The following SEZ6L variants were observed in gnomAD, a reference collection of about 807,000 sequenced individuals.
SEZ6L encodes seizure related 6 homolog like, also known as seizure 6-like protein.
In SEZ6L, 37 loss-of-function variants were observed where a neutral mutation model predicts 106.2. The ratio of observed to expected loss-of-function variants is 0.35; its 90% CI spans 0.27 to 0.46. The LOEUF (loss-of-function observed/expected upper bound fraction) is 0.46. SEZ6L is among the 20% of genes least tolerant of loss of function. The probability of loss-of-function intolerance (pLI) is 1.00; values close to 1 mark genes in which losing one functional copy is unlikely to be tolerated. For missense variants in SEZ6L, 1,172 were observed against 1,332.8 expected, an observed-to-expected ratio of 0.88 and a Z score of 1.88; for synonymous variants, 541 against 570.4, an observed-to-expected ratio of 0.95 and a Z score of 0.73.
chr22:26,231,738 G>A (rs1466418622), intron 1 of SEZ6L, among the ~76,000 whole-genome samples: 1 of 152,228 alleles, frequency 6.6e-6, no homozygotes, highest in Admixed American at 6.5e-5. Context: ...CAACTTGGCA[G>A]AGGCAGAAAG....
chr22:26,317,171 A>G (rs1017368806), intron 9 of SEZ6L, among the ~76,000 whole-genome samples: 1 of 152,174 alleles, frequency 6.6e-6, no homozygotes, highest in Non-Finnish European at 1.5e-5. Context: ...TCTTAGCTGA[A>G]GCTTCACATA....
chr22:26,203,869 G>A (rs372049668), intron 1 of SEZ6L, among the ~76,000 whole-genome samples: 18 of 152,192 alleles, frequency 1.2e-4, no homozygotes, highest in African/African-American at 4.3e-4. Flanking sequence ...AAGAGCTGAA[G>A]AAGAGTAGGA....
chr22:26,306,225 T>C (rs2081627739), intron 6 of SEZ6L, 81 bp downstream of exon 6: 3 of 1,489,080 alleles, frequency 2.0e-6, no homozygotes, highest in Non-Finnish European at 2.7e-6. Flanking sequence ...AGTCTTGAAA[T>C]GGCTGAAGCT....
intron 1 of SEZ6L, among the ~76,000 whole-genome samples, chr22:26,193,163 C>G (rs903028717): frequency 2.6e-5 from 4 of 152,164 alleles, no homozygotes; most frequent in African/African-American, 9.7e-5. Context: ...AGGCAAATTA[C>G]TTTTACAACA....
chr22:26,370,865 A>T (rs1410417246), intron 13 of SEZ6L, among the ~76,000 whole-genome samples: 1 of 151,982 alleles, frequency 6.6e-6, no homozygotes, highest in African/African-American at 2.4e-5. Context: ...TTAGCGGGGC[A>T]TGGTGACACA....
intron 9 of SEZ6L, among the ~76,000 whole-genome samples, chr22:26,339,666 C>T (rs17305959): frequency 0.21 from 31,547 of 152,166 alleles, 3,895 homozygotes; most frequent in South Asian, 0.31. Context: ...TCAGTTGACT[C>T]TGAGGAATTT....
chr22:26,331,209 G>A (rs994540316), intron 9 of SEZ6L, among the ~76,000 whole-genome samples: 2 of 152,164 alleles, frequency 1.3e-5, no homozygotes, highest in Non-Finnish European at 2.9e-5. Flanking sequence ...TGAGCAGCAG[G>A]ATTACATAAC....
At chr22:26,373,769 C>A (rs2084123119) in intron 14 of SEZ6L, among the ~76,000 whole-genome samples, 1 of 152,118 alleles carries the variant, frequency 6.6e-6, no homozygotes, top group Non-Finnish European at 1.5e-5. Flanking sequence ...AAAGGCATAA[C>A]CCTATTGTAA....
chr22:26,264,342 T>A (rs1471466183), intron 1 of SEZ6L, among the ~76,000 whole-genome samples: 1 of 152,214 alleles, frequency 6.6e-6, no homozygotes, highest in Non-Finnish European at 1.5e-5. Flanking sequence ...ATCTTGTCAC[T>A]TTGTAGCTGT....
At chr22:26,236,236 C>A (rs149834947) in intron 1 of SEZ6L, among the ~76,000 whole-genome samples, 1 of 152,226 alleles carries the variant, frequency 6.6e-6, no homozygotes, top group African/African-American at 2.4e-5. Context: ...GGCAGTGCAA[C>A]GTGTGGCTCA....
At chr22:26,203,036 CA>C (rs1941072574) in intron 1 of SEZ6L, among the ~76,000 whole-genome samples, 1 of 152,220 alleles carries the variant, frequency 6.6e-6, no homozygotes, top group African/African-American at 2.4e-5. Context: ...ACTGGTGGAG[CA>C]ATTCCTAGAG....
chr22:26,361,594 C>T (rs745851691), intron 12 of SEZ6L, among the ~76,000 whole-genome samples: 1 of 151,150 alleles, frequency 6.6e-6, no homozygotes, highest in African/African-American at 2.4e-5. Flanking sequence ...GTTTTAAAAG[C>T]CATAAAAATA....
At chr22:26,238,513 T>C (rs1464082595) in intron 1 of SEZ6L, among the ~76,000 whole-genome samples, 1 of 152,166 alleles carries the variant, frequency 6.6e-6, no homozygotes, top group Non-Finnish European at 1.5e-5. Context: ...GGATGTCAAA[T>C]AGGAGTAAAA....
chr22:26,375,368 A>G (rs1281670854), intron 14 of SEZ6L, among the ~76,000 whole-genome samples: 2 of 152,060 alleles, frequency 1.3e-5, no homozygotes, highest in African/African-American at 2.4e-5. Context: ...CCTATGGCCA[A>G]CCCACCAAAG....
intron 1 of SEZ6L, among the ~76,000 whole-genome samples, chr22:26,181,563 T>C (rs1475056030): frequency 6.6e-6 from 1 of 152,250 alleles, no homozygotes; most frequent in East Asian, 1.9e-4. Context: ...TTGCTATTTG[T>C]AGTTGTGGCT....
chr22:26,357,192 G>A (rs538808243), intron 12 of SEZ6L, among the ~76,000 whole-genome samples: 3 of 152,006 alleles, frequency 2.0e-5, no homozygotes, highest in Non-Finnish European at 2.9e-5. Context: ...TGATCCACCC[G>A]CCTTGACCTC....
chr22:26,360,476 A>C (rs1438058602), intron 12 of SEZ6L, among the ~76,000 whole-genome samples: 1 of 152,220 alleles, frequency 6.6e-6, no homozygotes, highest in Non-Finnish European at 1.5e-5. Context: ...TGCCTGGCAC[A>C]CAGAAGGTGT....
intron 1 of SEZ6L, among the ~76,000 whole-genome samples, chr22:26,273,101 G>A (rs1324152067): frequency 6.6e-6 from 1 of 152,248 alleles, no homozygotes; most frequent in East Asian, 1.9e-4. Context: ...TTGTTCATGG[G>A]TGGGGGGAAT....
chr22:26,210,459 T>C (rs1569382742), intron 1 of SEZ6L, among the ~76,000 whole-genome samples: 1 of 152,156 alleles, frequency 6.6e-6, no homozygotes, highest in Non-Finnish European at 1.5e-5. Flanking sequence ...TTAGAATTCA[T>C]TGGGATATTT....
Sources: gnomAD v4.1 joint callset for allele counts (sites outside exome capture counted in the v4.1 genomes callset) on GRCh38, gnomAD v4.1.1 for gene constraint, MANE v1.5 for transcripts, NCBI Gene and HGNC (gene_info 2026-07-23, HGNC 2026-07-21) for gene names.